The following ZNF562 variants were observed in gnomAD, a reference collection of about 807,000 sequenced individuals.
ZNF562 encodes the protein zinc finger protein 562.
Under a neutral mutation model 17.5 loss-of-function variants are expected in ZNF562, and 13 were observed. That is an observed-to-expected ratio of 0.74 (90% CI 0.48 to 1.18). The LOEUF (loss-of-function observed/expected upper bound fraction) is 1.18, where lower values mean the gene tolerates loss of function less well. Among genes scored for constraint, ZNF562 ranks in the 50% most tolerant of loss-of-function variants. ZNF562 has a pLI of 0.00. For missense variants in ZNF562, 481 were observed against 498.5 expected (o/e 0.96, Z 0.33); for synonymous variants, 163 against 165.4 (o/e 0.99, Z 0.11).
At chr19:9,659,267 A>G in intron 3 of ZNF562, 112 bp downstream of exon 3, 1 of 952,894 alleles carries the variant, frequency 1.0e-6, no homozygotes, top group Non-Finnish European at 1.6e-6. Context: ...GTCCTTGAGT[A>G]AGGCTTCATT....
At chr19:9,669,848 G>A (rs1265760255) in intron 1 of ZNF562, among the ~76,000 whole-genome samples, 1 of 151,598 alleles carries the variant, frequency 6.6e-6, no homozygotes, top group African/African-American at 2.4e-5. Flanking sequence ...GATCATTTGA[G>A]GTCAGGAGTT....
intron 4 of ZNF562, among the ~76,000 whole-genome samples, chr19:9,656,871 A>AAAAAAATATATATATAT (rs376933513): frequency 2.1e-5 from 3 of 142,442 alleles, no homozygotes; most frequent in African/African-American, 7.8e-5. Flanking sequence ...AAAATACAAA[A>AAAAAAATATATATATAT]ATATATATAT....
At chr19:9,668,382 A>G (rs35416342) in intron 1 of ZNF562, among the ~76,000 whole-genome samples, 16,176 of 152,100 alleles carry the variant, frequency 0.11, 1,237 homozygotes, top group African/African-American at 0.2. Context: ...CCACCTCTGA[A>G]AAAAAGAGAA....
Position 9,647,432 on chromosome 19 carries a change from G to A in ZNF562, c.*5517C>T, listed in dbSNP as rs1361721567. 1 of 152,146 alleles carries A rather than the reference G, an allele frequency of 6.6e-6. No individual in the cohort carries two copies. The highest frequency in any genetic ancestry group is 6.6e-5 in the Admixed American group (1 of 15,252). The allele number at this position is 152,146 out of a possible 1,614,324, so 9.4% of individuals were successfully genotyped here. A position where few individuals can be genotyped will look rare whatever the true frequency, so the allele number is the denominator to read the frequency against. ...ATTTTTTTGGAGATATGGGGTCTGT[G>A]TTGCCCAGACTGATCTTGAACTCCT... On this transcript the variant is annotated 3_prime_UTR_variant, in exon 6 of 6. Coordinates refer to ENST00000453372, the MANE Select transcript of ZNF562 (RefSeq NM_001130031.2).
chr19:9,666,319 G>A (rs536954949), intron 1 of ZNF562, among the ~76,000 whole-genome samples: 1 of 128,798 alleles, frequency 7.8e-6, no homozygotes, highest in Non-Finnish European at 1.6e-5. Flanking sequence ...ACAAACCTCC[G>A]TCTCAAAAAA....
chr19:9,662,070 C>T (rs934342589), intron 1 of ZNF562, among the ~76,000 whole-genome samples: 2 of 152,016 alleles, frequency 1.3e-5, no homozygotes, highest in Middle Eastern at 3.2e-3. Context: ...CCTATTACCT[C>T]TATTAATACT....
intron 5 of ZNF562, 75 bp downstream of exon 5, chr19:9,656,472 G>T: frequency 6.6e-7 from 1 of 1,516,548 alleles, no homozygotes; most frequent in Non-Finnish European, 9.1e-7. Context: ...TGGTGCCACT[G>T]CACTTCAGCC....
At position 9,651,064 on chromosome 19, in the gene ZNF562, G is replaced by A. The variant is rs916969890; in HGVS notation, c.*1885C>T. 9 of 151,174 alleles carry A rather than the reference G, an allele frequency of 6.0e-5. No homozygotes were observed. Among genetic ancestry groups the A allele is most frequent in the African/African-American group, 2.2e-4 (9 of 41,036 alleles). The allele number at this position is 151,174 out of a possible 1,614,324, so 9.4% of individuals were successfully genotyped here. A position where few individuals can be genotyped will look rare whatever the true frequency, so the allele number is the denominator to read the frequency against. On this transcript the variant is annotated 3_prime_UTR_variant, in exon 6 of 6. Transcript: ENST00000453372. ...CTGCGGTATTCTCTTATGGTTGTCT[G>A]AGCTGACTAAGGCAGATATTGGTAC... is the stretch of plus-strand genomic sequence containing the variant.
chr19:9,662,040 G>A (rs2043767552), intron 1 of ZNF562, among the ~76,000 whole-genome samples: 1 of 152,010 alleles, frequency 6.6e-6, no homozygotes, highest in South Asian at 2.1e-4. Context: ...GGGATAATAA[G>A]CATGAGCCAC....
In ZNF562 at chr19:9,644,047, C is replaced by G. The variant is rs2074790656; in HGVS notation, c.*8902G>C. 1 of 152,146 alleles carries G rather than the reference C, an allele frequency of 6.6e-6. No homozygotes were observed. Among genetic ancestry groups the G allele is most frequent in the Non-Finnish European group, 1.5e-5 (1 of 68,034 alleles). The allele number at this position is 152,146 out of a possible 1,614,324, so 9.4% of individuals were successfully genotyped here. Reference sequence around the variant, plus strand: ...TGACCTTGTGATCCACCTGCCTCAGCCTCCCAAAGTGCTGGGATTACAGGC... The same window carrying G: ...TGACCTTGTGATCCACCTGCCTCAGGCTCCCAAAGTGCTGGGATTACAGGC... On this transcript the variant is annotated 3_prime_UTR_variant, in exon 6 of 6. Coordinates refer to ENST00000453372, the MANE Select transcript of ZNF562 (RefSeq NM_001130031.2).
At chr19:9,668,617 A>C (rs1437311519) in intron 1 of ZNF562, among the ~76,000 whole-genome samples, 4 of 152,216 alleles carry the variant, frequency 2.6e-5, no homozygotes, top group African/African-American at 9.6e-5. Context: ...AAAAATCCTA[A>C]AATTTATATG....
At chr19:9,654,161 T>C (rs2043373514) in intron 5 of ZNF562, among the ~76,000 whole-genome samples, 1 of 152,092 alleles carries the variant, frequency 6.6e-6, no homozygotes, top group Non-Finnish European at 1.5e-5. Flanking sequence ...GGGGAGTTTT[T>C]CTACTTTTTT....
chr19:9,652,771 A>G lies in ZNF562; in HGVS notation c.*178T>C. ...GGCAACCAATGGGCTAAATGGTAAC[A>G]ACACTCATATCCTTACATTCATAGT... On this transcript the variant is annotated 3_prime_UTR_variant, in exon 6 of 6. Transcript: ENST00000453372. 1 of 536,146 alleles carries G rather than the reference A, an allele frequency of 1.9e-6. No homozygotes were observed. The highest frequency in any genetic ancestry group is 1.9e-5 in the African/African-American group (1 of 51,780). The allele number at this position is 536,146 out of a possible 1,614,324, so 33.2% of individuals were successfully genotyped here.
In ZNF562 at chr19:9,645,544, C is replaced by G. The variant is rs895530504; in HGVS notation, c.*7405G>C. On this transcript the variant is annotated 3_prime_UTR_variant, in exon 6 of 6. Transcript: ENST00000453372. ...CAGAAGCCTCTTGAGGATGGACTTG[C>G]AAACCAAAGTTGTGCTGGTTTCTAC... The G allele has an allele frequency of 6.6e-6, 1 of 152,210 alleles. No individual in the cohort carries two copies. The highest frequency in any genetic ancestry group is 2.4e-5 in the African/African-American group (1 of 41,452). 9.4% of individuals were successfully genotyped at this position (152,210 alleles called of 1,614,324 possible). A position where few individuals can be genotyped will look rare whatever the true frequency, so the allele number is the denominator to read the frequency against.
At chr19:9,662,929 A>T (rs1439989636) in intron 1 of ZNF562, among the ~76,000 whole-genome samples, 1 of 150,808 alleles carries the variant, frequency 6.6e-6, no homozygotes, top group Non-Finnish European at 1.5e-5. Flanking sequence ...CAGGAGAATC[A>T]CTCGAACCCG....
rs1375052166 is a variant in ZNF562 at position 9,652,756 on chromosome 19, G to T, written c.*193C>A. On this transcript the variant is annotated 3_prime_UTR_variant, in exon 6 of 6. Transcript: ENST00000453372. ...CCAATAATTAAAGATGGCAACCAAT[G>T]GGCTAAATGGTAACAACACTCATAT... The T allele has an allele frequency of 2.1e-6, 1 of 478,498 alleles. No homozygotes were observed. The allele number at this position is 478,498 out of a possible 1,614,324, so 29.6% of individuals were successfully genotyped here. A position where few individuals can be genotyped will look rare whatever the true frequency, so the allele number is the denominator to read the frequency against.
At chr19:9,669,375 G>A (rs779650562) in intron 1 of ZNF562, among the ~76,000 whole-genome samples, 10 of 152,066 alleles carry the variant, frequency 6.6e-5, no homozygotes, top group Non-Finnish European at 1.2e-4. Flanking sequence ...AATCATCAGA[G>A]AAATACAAAT....
chr19:9,669,646 C>G (rs1234877352), intron 1 of ZNF562, among the ~76,000 whole-genome samples: 1 of 151,262 alleles, frequency 6.6e-6, no homozygotes. Flanking sequence ...CACAGCAACA[C>G]CTGTCTGTAC....
chr19:9,669,734 G>GCGCGCGCGCACACACACACA (rs1221319747), intron 1 of ZNF562, among the ~76,000 whole-genome samples: 1 of 109,302 alleles, frequency 9.1e-6, no homozygotes, highest in South Asian at 3.5e-4. Context: ...GCGCGCGCGC[G>GCGCGCGCGCACACACACACA]CACACACACA....
Sources: allele counts gnomAD v4.1 joint callset (sites outside exome capture counted in the v4.1 genomes callset), GRCh38; gene constraint gnomAD v4.1.1; transcripts MANE v1.5; gene names NCBI Gene and HGNC (gene_info 2026-07-23, HGNC 2026-07-21).